Variants in ATRNL1 observed in about 807,000 individuals in gnomAD.
The protein encoded by ATRNL1 is attractin-like protein 1.
ATRNL1 carries 95 observed loss-of-function variants against 182.7 expected under a neutral mutation model. The ratio of observed to expected loss-of-function variants is 0.52; its 90% CI spans 0.44 to 0.62. ATRNL1 has a LOEUF of 0.62. Among genes scored for constraint, ATRNL1 ranks in the 20% least tolerant of loss-of-function variants. The pLI, the probability that ATRNL1 is intolerant of heterozygous loss-of-function variation, is 0.00. For missense variants in ATRNL1, 1,471 were observed against 1,679.5 expected (o/e 0.88, Z 2.17); for synonymous variants, 576 against 568.3 (o/e 1.01, Z -0.19).
At chr10:115,331,636 A>G (rs1855227699) in intron 18 of ATRNL1, among the ~76,000 whole-genome samples, 3 of 150,906 alleles carry the variant, frequency 2.0e-5, no homozygotes. Context: ...TCTTCTTTAC[A>G]TGTGTCTCTG....
At chr10:115,712,650 T>C (rs1947095405) in intron 26 of ATRNL1, among the ~76,000 whole-genome samples, 1 of 152,012 alleles carries the variant, frequency 6.6e-6, no homozygotes, top group African/African-American at 2.4e-5. Flanking sequence ...GTGGATCACT[T>C]GAGGTCAGGA....
At chr10:115,870,224 C>G (rs1159737036) in intron 28 of ATRNL1, among the ~76,000 whole-genome samples, 1 of 152,158 alleles carries the variant, frequency 6.6e-6, no homozygotes, top group African/African-American at 2.4e-5. Context: ...TGGCCATACT[C>G]TCTCCCTAAG....
chr10:115,485,632 C>A (rs1167134331), intron 24 of ATRNL1, among the ~76,000 whole-genome samples: 1 of 151,972 alleles, frequency 6.6e-6, no homozygotes, highest in Admixed American at 6.6e-5. Context: ...TCCCTCCAAA[C>A]CCCCTCCTCA....
intron 17 of ATRNL1, 150 bp from the exon 18 acceptor site, chr10:115,315,368 G>T (rs1230922484): frequency 3.9e-6 from 2 of 517,018 alleles, no homozygotes; most frequent in African/African-American, 1.9e-5. Flanking sequence ...AGTAATTGCT[G>T]TCTCTTAAGT....
In ATRNL1 at chr10:115,408,164, C is replaced by T. The variant is rs555027276; in HGVS notation, c.3269+13412C>T. ...GACTACAGGCGCCCGCCACCGCGCC[C>T]GGCTAATTTTTTGTATTTTTAGTAG... On this transcript the variant is annotated intron_variant, in intron 20 of 28. Coordinates refer to ENST00000355044, the MANE Select transcript of ATRNL1 (RefSeq NM_207303.4). Among the ~76,000 whole-genome samples the T allele has an allele frequency of 3.6e-4, 55 of 151,300 alleles. No homozygotes were observed. The South Asian group carries it at 9.8e-3, about 27-fold the overall frequency.
chr10:115,742,300 A>C (rs1184187391), intron 27 of ATRNL1, among the ~76,000 whole-genome samples: 1 of 152,272 alleles, frequency 6.6e-6, no homozygotes, highest in South Asian at 2.1e-4. Context: ...GGGAGGTGAA[A>C]GCAGAGAAAG....
intron 25 of ATRNL1, among the ~76,000 whole-genome samples, chr10:115,530,175 A>G (rs1275073153): frequency 6.6e-6 from 1 of 152,084 alleles, no homozygotes; most frequent in African/African-American, 2.4e-5. Flanking sequence ...GAATAATACT[A>G]CTATGCACAT....
At chr10:115,862,922 T>C (rs1362577698) in intron 28 of ATRNL1, among the ~76,000 whole-genome samples, 6 of 152,286 alleles carry the variant, frequency 3.9e-5, no homozygotes, top group Admixed American at 6.5e-5. Context: ...CCAAAATATA[T>C]TAAGTGAGAA....
chr10:115,147,455 G>A (rs1403041414), intron 5 of ATRNL1, among the ~76,000 whole-genome samples: 1 of 152,124 alleles, frequency 6.6e-6, no homozygotes, highest in African/African-American at 2.4e-5. Context: ...TTGCTGTGCA[G>A]AAGCTTTTTA....
chr10:115,132,599 C>T (rs1845303958), intron 5 of ATRNL1, among the ~76,000 whole-genome samples: 1 of 152,094 alleles, frequency 6.6e-6, no homozygotes, highest in South Asian at 2.1e-4. Flanking sequence ...CCTGTTGTTT[C>T]CTGAGTTTTT....
intron 28 of ATRNL1, among the ~76,000 whole-genome samples, chr10:115,908,149 C>T (rs1952559135): frequency 6.6e-6 from 1 of 152,164 alleles, no homozygotes; most frequent in Admixed American, 6.5e-5. Flanking sequence ...CCTTCGGCTG[C>T]TTGCTTGATT....
chr10:115,707,140 T>C (rs1946924611), intron 26 of ATRNL1, among the ~76,000 whole-genome samples: 1 of 151,784 alleles, frequency 6.6e-6, no homozygotes, highest in African/African-American at 2.4e-5. Flanking sequence ...ATAAAAATAA[T>C]GGCTACAAAT....
intron 28 of ATRNL1, among the ~76,000 whole-genome samples, chr10:115,901,191 AGTC>A (rs1406310485): frequency 6.6e-6 from 1 of 152,200 alleles, no homozygotes; most frequent in Non-Finnish European, 1.5e-5. Flanking sequence ...TTATGGAAAA[AGTC>A]ATCTCTTTAG....
rs66505050 is a variant in ATRNL1, at chr10:115,851,121, A to ATT, written c.4018+3139_4018+3140dup. ...CTTGTTTGAAATGTAGCTTACTAAA[A>ATT]TTTTTTTTTTATCAGGCTCCTTGTT... On this transcript the variant is annotated intron_variant, in intron 28 of 28. Coordinates refer to ENST00000355044, the MANE Select transcript of ATRNL1 (RefSeq NM_207303.4). Among the ~76,000 whole-genome samples the ATT allele has an allele frequency of 2.1e-3, 310 of 151,100 alleles. 1 individual carries two copies. Among genetic ancestry groups the ATT allele is most frequent in the Admixed American group, 2.4e-3 (37 of 15,150 alleles).
At chr10:115,410,483 G>C (rs560407071) in intron 20 of ATRNL1, among the ~76,000 whole-genome samples, 81 of 151,616 alleles carry the variant, frequency 5.3e-4, no homozygotes, top group African/African-American at 1.9e-3. Context: ...CACACACCCA[G>C]CTAATTTTTG....
In ATRNL1 at chr10:115,543,526, A is replaced by G. The variant is rs1036528944; in HGVS notation, c.3717-5932A>G. 3.9e-5 allele frequency among the ~76,000 whole-genome samples: 6 copies of G among 152,156 alleles called. No homozygotes were observed. The East Asian group carries it at 5.8e-4, about 15-fold the overall frequency. ...CAGTGAAATATAATAATATGCCCAA[A>G]CCATCTTTTAAAATATGTACTTAAG... On this transcript the variant is annotated intron_variant, in intron 25 of 28. Coordinates refer to ENST00000355044, the MANE Select transcript of ATRNL1 (RefSeq NM_207303.4).
chr10:115,341,704 G>A (rs1465398644), intron 19 of ATRNL1, among the ~76,000 whole-genome samples: 1 of 152,026 alleles, frequency 6.6e-6, no homozygotes, highest in African/African-American at 2.4e-5. Context: ...ATTGTTGGGT[G>A]TATACATATG....
chr10:115,853,903 A>T (rs565593968), intron 28 of ATRNL1, among the ~76,000 whole-genome samples: 2 of 152,342 alleles, frequency 1.3e-5, no homozygotes, highest in African/African-American at 4.8e-5. Flanking sequence ...ATCTGATATT[A>T]AAAGACTTTA....
At chr10:115,216,029 T>C (rs1554896183) in intron 9 of ATRNL1, 149 bp downstream of exon 9, 6 of 564,920 alleles carry the variant, frequency 1.1e-5, no homozygotes, top group African/African-American at 5.9e-5. Flanking sequence ...TAATTTTGTT[T>C]ACCAGTATGA....
Sources: allele counts gnomAD v4.1 joint callset (sites outside exome capture counted in the v4.1 genomes callset), GRCh38; gene constraint gnomAD v4.1.1; transcripts MANE v1.5; gene names NCBI Gene and HGNC (gene_info 2026-07-23, HGNC 2026-07-21).